The following INPP5A variants were observed in gnomAD, a reference collection of about 807,000 sequenced individuals.
The protein encoded by INPP5A is 43 kDa inositol polyphosphate 5-phophatase.
In INPP5A, 14 loss-of-function variants were observed where a neutral mutation model predicts 65.2. That is an observed-to-expected ratio of 0.21 (90% CI 0.14 to 0.34). INPP5A has a LOEUF of 0.34. Ranked by LOEUF, INPP5A falls within the 10% of genes least tolerant of loss-of-function variation. INPP5A has a pLI of 1.00. For synonymous variants in INPP5A, 207 were observed against 208.3 expected (o/e 0.99, Z 0.05); for missense variants, 431 against 545.6 (o/e 0.79, Z 2.09).
chr10:132,742,342 A>C (rs1054517545), intron 9 of INPP5A, among the ~76,000 whole-genome samples: 2 of 152,222 alleles, frequency 1.3e-5, no homozygotes, highest in Non-Finnish European at 2.9e-5. Flanking sequence ...CAGTGGCACC[A>C]GCTCTCAGAG....
chr10:132,543,958 A>G (rs1180711959), intron 1 of INPP5A, among the ~76,000 whole-genome samples: 5 of 152,222 alleles, frequency 3.3e-5, no homozygotes, highest in Non-Finnish European at 5.9e-5. Context: ...CCCTAGGCGG[A>G]CATGCGTTCT....
chr10:132,703,499 C>A (rs11146470), intron 6 of INPP5A, among the ~76,000 whole-genome samples: 1 of 143,368 alleles, frequency 7.0e-6, no homozygotes, highest in Admixed American at 7.0e-5. Flanking sequence ...CACACAGTGT[C>A]TTCACCCACA....
At chr10:132,630,401 A>T (rs2072249661) in intron 2 of INPP5A, among the ~76,000 whole-genome samples, 1 of 152,042 alleles carries the variant, frequency 6.6e-6, no homozygotes, top group African/African-American at 2.4e-5. Context: ...GATGTCTATG[A>T]GGAGATGGTG....
At chr10:132,652,884 C>T (rs1033402048) in intron 4 of INPP5A, among the ~76,000 whole-genome samples, 4 of 152,312 alleles carry the variant, frequency 2.6e-5, no homozygotes, top group Admixed American at 6.5e-5. Flanking sequence ...CGTGAACGTG[C>T]GCCCCTAATA....
In INPP5A at chr10:132,603,751, GT is replaced by G. The variant is rs1374216792; in HGVS notation, c.76-4163del. Reference sequence around the variant, plus strand: ...GCTGATTTAATAGATTCTATTACTTGTGTTTTGTTAGTTTGTAACAGAGACA... The same window carrying G: ...GCTGATTTAATAGATTCTATTACTTGGTTTTGTTAGTTTGTAACAGAGACA... On this transcript the variant is annotated intron_variant, in intron 1 of 15. Transcript: ENST00000368594. The surrounding 1 kb of genome is among the most constrained non-coding windows in gnomAD (Gnocchi z 4.2). 6.6e-6 allele frequency among the ~76,000 whole-genome samples: 1 copy of G among 152,150 alleles called. No homozygotes were observed. Among genetic ancestry groups the G allele is most frequent in the Non-Finnish European group, 1.5e-5 (1 of 68,032 alleles).
intron 3 of INPP5A, among the ~76,000 whole-genome samples, chr10:132,646,447 A>T (rs951789329): frequency 6.6e-6 from 1 of 152,144 alleles, no homozygotes; most frequent in African/African-American, 2.4e-5. Flanking sequence ...GGGCCGGCCC[A>T]ACTGGGTCCT....
chr10:132,719,505 G>C (rs1318401707), intron 8 of INPP5A, among the ~76,000 whole-genome samples: 8 of 146,690 alleles, frequency 5.5e-5, no homozygotes, highest in Admixed American at 1.3e-4. Context: ...CCTGGGTTCT[G>C]TCTGGGCGCC....
At chr10:132,660,408 C>CAT (rs531458471) in intron 4 of INPP5A, among the ~76,000 whole-genome samples, 12 of 151,872 alleles carry the variant, frequency 7.9e-5, no homozygotes, top group African/African-American at 2.9e-4. Flanking sequence ...TTGCAGAACT[C>CAT]GTGTGTGTGT....
In INPP5A at chr10:132,575,525, G is replaced by A. The variant is rs935288847; in HGVS notation, c.76-32390G>A. Among the ~76,000 whole-genome samples the A allele has an allele frequency of 5.3e-5, 8 of 152,140 alleles. No homozygotes were observed. The highest frequency in any genetic ancestry group is 1.9e-4 in the African/African-American group (8 of 41,436). On this transcript the variant is annotated intron_variant, in intron 1 of 15. Transcript: ENST00000368594. The surrounding 1 kb of genome is among the most constrained non-coding windows in gnomAD (Gnocchi z 5.4). ...CCACATTCACAATCATTTGGAAACT[G>A]GTGAAAAGGGGAAAGCAATGAGCAC...
At chr10:132,563,547 G>C (rs981657046) in intron 1 of INPP5A, among the ~76,000 whole-genome samples, 8 of 152,212 alleles carry the variant, frequency 5.3e-5, no homozygotes, top group African/African-American at 1.9e-4. Flanking sequence ...AATAGCAGGT[G>C]TGTTTGGGAA....
In INPP5A at chr10:132,550,763, C is replaced by A. The variant is rs1326954359; in HGVS notation, c.75+12592C>A. On this transcript the variant is annotated intron_variant, in intron 1 of 15. Coordinates refer to ENST00000368594, the MANE Select transcript of INPP5A (RefSeq NM_005539.5). The surrounding 1 kb of genome is among the most constrained non-coding windows in gnomAD (Gnocchi z 4.2). The stretch of plus-strand genomic sequence containing the variant: ...GGAAGACGGTGGAGGTGGCAGCCGC[C>A]AGAGTGTGAGGGGCCATGGTCGCTG... Among the ~76,000 whole-genome samples, 1 of 152,214 alleles carries A rather than the reference C, an allele frequency of 6.6e-6. No homozygotes were observed. Among genetic ancestry groups the A allele is most frequent in the East Asian group, 1.9e-4 (1 of 5,202 alleles).
At chr10:132,755,381 CGT>C (rs1191351015) in intron 11 of INPP5A, among the ~76,000 whole-genome samples, 1 of 139,018 alleles carries the variant, frequency 7.2e-6, no homozygotes, top group Non-Finnish European at 1.5e-5. Context: ...TGGGAGTGTG[CGT>C]GAGAGCAGGT....
chr10:132,782,125 A>C lies in INPP5A; in HGVS notation c.*96A>C. On this transcript the variant is annotated 3_prime_UTR_variant, in exon 16 of 16. Transcript: ENST00000368594. The surrounding 1 kb of genome is among the most constrained non-coding windows in gnomAD (Gnocchi z 4.4). Reference sequence around the variant, plus strand: ...CGCACTCTTGAAAGCTGCATCGAGAACCCGCCCAAGCGCCACCTGCTAGAC... The same window carrying C: ...CGCACTCTTGAAAGCTGCATCGAGACCCCGCCCAAGCGCCACCTGCTAGAC... 1 of 1,528,018 alleles carries C rather than the reference A, an allele frequency of 6.5e-7. No individual in the cohort carries two copies. The highest frequency in any genetic ancestry group is 1.2e-5 in the South Asian group (1 of 83,024). The allele number at this position is 1,528,018 out of a possible 1,614,324, so 94.7% of individuals were successfully genotyped here.
intron 2 of INPP5A, among the ~76,000 whole-genome samples, chr10:132,611,675 G>A (rs1479432341): frequency 1.4e-3 from 81 of 58,454 alleles, no homozygotes; most frequent in East Asian, 4.1e-3. Context: ...GCCCTGTCAG[G>A]GGAGGGTGAG....
chr10:132,680,574 C>T (rs933713157), intron 4 of INPP5A, among the ~76,000 whole-genome samples: 5 of 152,260 alleles, frequency 3.3e-5, no homozygotes, highest in African/African-American at 9.6e-5. Flanking sequence ...TGGAGGAGCC[C>T]TTCAGCCCAC....
chr10:132,556,406 C>T (rs2071126498), intron 1 of INPP5A, among the ~76,000 whole-genome samples: 2 of 152,200 alleles, frequency 1.3e-5, no homozygotes, highest in African/African-American at 4.8e-5. Context: ...AATATCTGGG[C>T]ACCTGTTGGG....
intron 5 of INPP5A, among the ~76,000 whole-genome samples, chr10:132,692,207 C>G (rs371119773): frequency 1.3e-5 from 2 of 152,004 alleles, no homozygotes; most frequent in Non-Finnish European, 2.9e-5. Context: ...GAAGAATCAG[C>G]GAGCTGGAAG....
At chr10:132,679,932 GCCCCTCACATTA>G (rs1293231129) in intron 4 of INPP5A, among the ~76,000 whole-genome samples, 1 of 152,166 alleles carries the variant, frequency 6.6e-6, no homozygotes, top group African/African-American at 2.4e-5. Flanking sequence ...AATGAAGTTG[GCCCCTCACATTA>G]CATTGTGTAC....
At chr10:132,557,065 T>A (rs2071136645) in intron 1 of INPP5A, among the ~76,000 whole-genome samples, 1 of 152,246 alleles carries the variant, frequency 6.6e-6, no homozygotes. Flanking sequence ...GTGTGTTTCT[T>A]TTGTATGCTG....
Sources: allele counts gnomAD v4.1 joint callset (sites outside exome capture counted in the v4.1 genomes callset), GRCh38; gene constraint gnomAD v4.1.1; non-coding constraint Gnocchi (gnomAD v3.1); transcripts MANE v1.5; gene names NCBI Gene and HGNC (gene_info 2026-07-23, HGNC 2026-07-21).